Variants in UMODL1 observed in about 807,000 individuals in gnomAD.
The protein encoded by UMODL1 is uromodulin-like 1.
A neutral mutation model predicts 136.3 loss-of-function variants in UMODL1; 128 were observed. The ratio of observed to expected loss-of-function variants is 0.94; its 90% confidence interval spans 0.81 to 1.09. The LOEUF (loss-of-function observed/expected upper bound fraction) is 1.09. Among genes scored for constraint, UMODL1 ranks in the 50% least tolerant of loss-of-function variants. UMODL1 has a pLI of 0.00. For synonymous variants in UMODL1, 721 were observed against 720.0 expected (o/e 1.00, Z -0.02); for missense variants, 1,766 against 1,725.6 (o/e 1.02, Z -0.41).
chr21:42,121,821 G>A (rs2066976573), intron 16 of UMODL1, among the ~76,000 whole-genome samples: 1 of 152,232 alleles, frequency 6.6e-6, no homozygotes, highest in Non-Finnish European at 1.5e-5. Flanking sequence ...AGTCCAGTGA[G>A]TGTGGCCAGG....
At chr21:42,135,661 G>A (rs182349291) in intron 21 of UMODL1, among the ~76,000 whole-genome samples, 10 of 152,338 alleles carry the variant, frequency 6.6e-5, no homozygotes, top group East Asian at 1.9e-4. Context: ...AGTGTCCATC[G>A]TGATTTAGGA....
At chr21:42,100,216 C>G (rs1001959780) in intron 7 of UMODL1, among the ~76,000 whole-genome samples, 1 of 152,144 alleles carries the variant, frequency 6.6e-6, no homozygotes, top group African/African-American at 2.4e-5. Flanking sequence ...GACGTAGAGC[C>G]AGTGGGAGCC....
At chr21:42,086,640 C>A in intron 4 of UMODL1, 1 of 454,736 alleles carries the variant, frequency 2.2e-6, no homozygotes, top group Non-Finnish European at 4.4e-6. Context: ...AGTCACTTAA[C>A]CTCTCTGTGC....
intron 2 of UMODL1, 55 bp from the exon 3 acceptor site, chr21:42,084,029 C>T: frequency 1.9e-6 from 3 of 1,590,828 alleles, no homozygotes; most frequent in Non-Finnish European, 2.6e-6. Context: ...CCCCGTGCAG[C>T]AAATCAGGTT....
At chr21:42,103,823 C>T (rs116504428) in intron 8 of UMODL1, 45 bp from the exon 9 acceptor site, 10 of 1,606,958 alleles carry the variant, frequency 6.2e-6, no homozygotes, top group East Asian at 2.2e-5. Context: ...GCTTAATGGT[C>T]GTGAAGACGT....
At position 42,103,830 on chromosome 21, in the gene UMODL1, A is replaced by T. The variant is rs202140743; in HGVS notation, c.1300-38A>T. ...GGAACCCTGCTTAATGGTCGTGAAG[A>T]CGTTGATGGATGTCTGCTGTTGCCT... is the stretch of plus-strand genomic sequence containing the variant. On this transcript the variant is annotated intron_variant, in intron 8 of 22. Transcript: ENST00000408910. 16 of 1,610,144 alleles carry T rather than the reference A, an allele frequency of 9.9e-6. No individual in the cohort carries two copies. In the Admixed American group the frequency reaches 1.5e-4, roughly 15 times the overall value.
intron 14 of UMODL1, among the ~76,000 whole-genome samples, chr21:42,118,182 A>T (rs980219489): frequency 2.0e-5 from 3 of 152,224 alleles, no homozygotes; most frequent in African/African-American, 7.2e-5. Flanking sequence ...ACTATGCCAG[A>T]TTCCTCTGAG....
chr21:42,125,663 A>G (rs1005650075), intron 17 of UMODL1, among the ~76,000 whole-genome samples: 1 of 152,176 alleles, frequency 6.6e-6, no homozygotes, highest in Admixed American at 6.5e-5. Context: ...GGCGGTGATC[A>G]GTGGCTCCTG....
At chr21:42,108,447 C>T (rs768403061) in intron 9 of UMODL1, 1 of 470,352 alleles carries the variant, frequency 2.1e-6, no homozygotes, top group Admixed American at 2.3e-5. Flanking sequence ...GAAGCTGCTT[C>T]TGTGGAGACC....
intron 1 of UMODL1, among the ~76,000 whole-genome samples, chr21:42,065,754 G>A (rs555474522): frequency 1.3e-5 from 2 of 152,104 alleles, no homozygotes; most frequent in South Asian, 2.1e-4. Context: ...GGAGGGCCTC[G>A]ATCTGCTGAC....
rs772661598 is a variant in UMODL1, at chr21:42,115,866, C to T, written c.2363-7C>T. 2 of 1,611,528 alleles carry T rather than the reference C, an allele frequency of 1.2e-6. No homozygotes were observed. The highest frequency in any genetic ancestry group is 1.7e-5 in the Admixed American group (1 of 59,992). The stretch of plus-strand genomic sequence containing the variant: ...AATTCCAAATGTGCTTATCCTCCAT[C>T]CTGCAGCAGCCCGGAAGCTCATTGG... On this transcript the variant is annotated splice_region_variant and splice_polypyrimidine_tract_variant and intron_variant, in intron 13 of 22. Coordinates refer to ENST00000408910, the MANE Select transcript of UMODL1 (RefSeq NM_001004416.3).
rs752342009 is a variant in UMODL1, at chr21:42,119,153, G to A, written c.2518G>A (p.Ala840Thr). Residue 840 changes from alanine to threonine, a missense_variant, in exon 15 of 23, where the codon GCT becomes ACT. Transcript: ENST00000408910. ...LPATMCQHMDAGGVRMEVVSV... is the reference protein window; with the variant it reads ...LPATMCQHMDTGGVRMEVVSV... Reference sequence around the variant, plus strand: ...AGCCACCATGTGTCAGCACATGGACGCTGGTGGGGTCAGGATGGAAGTCGT... The same window carrying A: ...AGCCACCATGTGTCAGCACATGGACACTGGTGGGGTCAGGATGGAAGTCGT... 1.3e-5 allele frequency: 21 copies of A among 1,613,902 alleles called. No homozygotes were observed. Among genetic ancestry groups the A allele is most frequent in the South Asian group, 7.7e-5 (7 of 91,060 alleles).
chr21:42,101,451 G>A (rs58389049), intron 7 of UMODL1, among the ~76,000 whole-genome samples: 1,711 of 152,256 alleles, frequency 0.011, 29 homozygotes, highest in African/African-American at 0.039. Context: ...CTGATGGCCC[G>A]TAGCTTGCCA....
rs1473761661 is a variant in UMODL1, at chr21:42,085,906, C to A, written c.603+494C>A. Among the ~76,000 whole-genome samples the A allele has an allele frequency of 6.6e-6, 1 of 152,184 alleles. No homozygotes were observed. Among genetic ancestry groups the A allele is most frequent in the Admixed American group, 6.5e-5 (1 of 15,282 alleles). ...GCGCCCCTGGCCTCTCCACACAAGT[C>A]AGAAGCACACCCCAGGGTGGCATCC... On this transcript the variant is annotated intron_variant, in intron 4 of 22. Transcript: ENST00000408910. This position sits in a 1 kb window ranked among gnomAD's most constrained non-coding sequence, Gnocchi z 4.5.
rs529897235 is a variant in UMODL1, at chr21:42,099,951, C to T, written c.1186+771C>T. Among the ~76,000 whole-genome samples, 2 of 152,306 alleles carry T rather than the reference C, an allele frequency of 1.3e-5. No homozygotes were observed. Among genetic ancestry groups the T allele is most frequent in the South Asian group, 2.1e-4 (1 of 4,814 alleles). ...GGAGGCAACTTTTGTCTCCAAAACA[C>T]ACACGACACACACATGAACTTGGGG... is the stretch of plus-strand genomic sequence containing the variant. On this transcript the variant is annotated intron_variant, in intron 7 of 22. Coordinates refer to ENST00000408910, the MANE Select transcript of UMODL1 (RefSeq NM_001004416.3). This position sits in a 1 kb window ranked among gnomAD's most constrained non-coding sequence, Gnocchi z 4.1.
rs56409028 is a variant in UMODL1, at chr21:42,077,002, GGTGTGTGTGTGTGTGTGTGTGTGTGTGT to G, written c.319+793_319+820del. Among the ~76,000 whole-genome samples the G allele has an allele frequency of 6.7e-3, 759 of 113,268 alleles. 12 individuals carry two copies. The highest frequency in any genetic ancestry group is 0.021 in the African/African-American group (686 of 32,546). 74.3% of individuals were successfully genotyped at this position (113,268 alleles called of 152,430 possible). A position where few individuals can be genotyped will look rare whatever the true frequency, so the allele number is the denominator to read the frequency against. Reference sequence around the variant, plus strand: ...CACAGGTGATCTCTTCCAGGGGAGGGGTGTGTGTGTGTGTGTGTGTGTGTGTGTGTGTGTGTGTGTGTGTGTGTGTGTG... The same window carrying G: ...CACAGGTGATCTCTTCCAGGGGAGGGGTGTGTGTGTGTGTGTGTGTGTGTG... On this transcript the variant is annotated intron_variant, in intron 2 of 22. Coordinates refer to ENST00000408910, the MANE Select transcript of UMODL1 (RefSeq NM_001004416.3).
chr21:42,101,789 G>T, intron 7 of UMODL1: 1 of 456,072 alleles, frequency 2.2e-6, no homozygotes, highest in South Asian at 1.6e-5. Context: ...TCACCCTGAT[G>T]TTGGGGGCCT....
intron 7 of UMODL1, among the ~76,000 whole-genome samples, chr21:42,101,423 G>A (rs557945529): frequency 1.8e-4 from 28 of 152,264 alleles, no homozygotes; most frequent in Admixed American, 3.3e-4. Context: ...TAAGTGTGGC[G>A]TGCATAGGTG....
intron 15 of UMODL1, among the ~76,000 whole-genome samples, chr21:42,119,590 C>T (rs1442388440): frequency 6.6e-6 from 1 of 152,158 alleles, no homozygotes; most frequent in Admixed American, 6.5e-5. Context: ...GTCGACTGCC[C>T]CCTCGCTGCT....
Sources: gnomAD v4.1 joint callset for allele counts (sites outside exome capture counted in the v4.1 genomes callset) on GRCh38, gnomAD v4.1.1 for gene constraint, Gnocchi (gnomAD v3.1) non-coding constraint, MANE v1.5 for transcripts, NCBI Gene and HGNC (gene_info 2026-07-23, HGNC 2026-07-21) for gene names.